The following CAVIN1 variants were observed in gnomAD, a reference collection of about 807,000 sequenced individuals.
CAVIN1 encodes caveolae-associated protein 1.
In CAVIN1, 16 loss-of-function variants were observed where a neutral mutation model predicts 24.0. That is an observed-to-expected ratio of 0.67 (90% CI 0.45 to 1.01). The LOEUF (loss-of-function observed/expected upper bound fraction) is 1.01. Among genes scored for constraint, CAVIN1 ranks in the 50% least tolerant of loss-of-function variants. The pLI, the probability that CAVIN1 is intolerant of heterozygous loss-of-function variation, is 0.00. For synonymous variants in CAVIN1, 256 were observed against 256.4 expected (o/e 1.00, Z 0.02); for missense variants, 510 against 551.7 (o/e 0.92, Z 0.76).
intron 1 of CAVIN1, chr17:42,412,228 G>T: frequency 2.0e-6 from 2 of 985,080 alleles, no homozygotes; most frequent in African/African-American, 1.7e-5. Flanking sequence ...CAGGTCAGAG[G>T]GTGCATTCGG....
chr17:42,404,906 C>T lies in CAVIN1; in HGVS notation c.954G>A (p.Val318=). Residue 318 remains valine, a synonymous_variant, in exon 2 of 2, where the codon GTG becomes GTA. Transcript: ENST00000357037. ...YARSKTAVYK[V]PPFTFHVKKI... is the part of the protein sequence containing the mutation. ...TCTTGACGTGGAAGGTGAAGGGTGGCACCTTGTAGACCGCGGTCTTGGAGC... is the reference window on the plus strand; with the variant it reads ...TCTTGACGTGGAAGGTGAAGGGTGGTACCTTGTAGACCGCGGTCTTGGAGC... The T allele has an allele frequency of 6.2e-7, 1 of 1,614,114 alleles. No homozygotes were observed. Among genetic ancestry groups the T allele is most frequent in the Non-Finnish European group, 8.5e-7 (1 of 1,179,972 alleles).
chr17:42,404,785 C>G lies in CAVIN1; in HGVS notation c.1075G>C (p.Gly359Arg). ...GGGCTGCTCCCGCGCCGCAGGTCGC[C>G]GGCCTCCCCGCGCTCCGCGCCGCCC... ...DEGGAERGEA[G>R]DLRRGSSPDV... Residue 359 changes from glycine (G) to arginine (R), a missense_variant, in exon 2 of 2, where the codon GGC (glycine) becomes CGC (arginine). Transcript: ENST00000357037. The G allele has an allele frequency of 6.3e-7, 1 of 1,590,622 alleles. No individual in the cohort carries two copies. Among genetic ancestry groups the G allele is most frequent in the Non-Finnish European group, 8.6e-7 (1 of 1,169,200 alleles).
chr17:42,410,623 T>A (rs906359239), intron 1 of CAVIN1, among the ~76,000 whole-genome samples: 1 of 151,984 alleles, frequency 6.6e-6, no homozygotes, highest in African/African-American at 2.4e-5. Context: ...GTTAAAAATA[T>A]CTGAAAGGGG....
chr17:42,416,706 A>G (rs2085514226), intron 1 of CAVIN1, among the ~76,000 whole-genome samples: 1 of 151,710 alleles, frequency 6.6e-6, no homozygotes, highest in Non-Finnish European at 1.5e-5. Context: ...CCCAGTGACC[A>G]GGAAAAACAA....
intron 1 of CAVIN1, chr17:42,411,603 T>C: frequency 1.0e-6 from 1 of 985,378 alleles, no homozygotes; most frequent in Non-Finnish European, 1.2e-6. Context: ...GTGTAAATGT[T>C]TTCCTCAGCT....
intron 1 of CAVIN1, among the ~76,000 whole-genome samples, chr17:42,410,464 G>A (rs911654971): frequency 3.3e-5 from 5 of 152,110 alleles, no homozygotes; most frequent in African/African-American, 1.2e-4. Flanking sequence ...GGGTGAAATT[G>A]CATCCAAAAG....
rs1293160778 is a variant in CAVIN1, at chr17:42,422,591, C to G, written c.471+36G>C. 2.0e-6 allele frequency: 3 copies of G among 1,508,402 alleles called. No homozygotes were observed. The African/African-American group carries it at 4.2e-5, about 21-fold the overall frequency. The allele number at this position is 1,508,402 out of a possible 1,614,324, so 93.4% of individuals were successfully genotyped here. On this transcript the variant is annotated intron_variant, in intron 1 of 1. Transcript: ENST00000357037. ...CCAGGCAGGGGACGCGGGCCGGGCG[C>G]GGGAGCTCTGGGCGCCTTCCGCCCT...
chr17:42,413,185 G>A (rs901235793), intron 1 of CAVIN1, among the ~76,000 whole-genome samples: 1 of 151,784 alleles, frequency 6.6e-6, no homozygotes, highest in Non-Finnish European at 1.5e-5. Context: ...TGCCCTCCTT[G>A]GGCTCCCAAA....
In CAVIN1 at chr17:42,404,582, C is replaced by T. The variant is rs374610090; in HGVS notation, c.*105G>A. 1.6e-5 allele frequency: 12 copies of T among 734,964 alleles called. No homozygotes were observed. Among genetic ancestry groups the T allele is most frequent in the African/African-American group, 1.3e-4 (7 of 52,652 alleles). The allele number at this position is 734,964 out of a possible 1,614,324, so 45.5% of individuals were successfully genotyped here. A position where few individuals can be genotyped will look rare whatever the true frequency, so the allele number is the denominator to read the frequency against. ...GTTCCTGGAGGTGTGGGGAGGGGGG[C>T]GTGTTTTCAATTTAGAAAAATCTCA... On this transcript the variant is annotated 3_prime_UTR_variant, in exon 2 of 2. Transcript: ENST00000357037.
chr17:42,422,795 G>C lies in CAVIN1; in HGVS notation c.303C>G (p.Ala101=), dbSNP rs963847416. 3.1e-6 allele frequency: 5 copies of C among 1,613,680 alleles called. No homozygotes were observed. In the African/African-American group the frequency reaches 6.7e-5, roughly 22 times the overall value. ...GCTTGCTCACCGTATTGCTCGTGGT[G>C]GCGTGCGCCTTGCCCAGCTTGCTCA... ...GELSKLGKAH[A]TTSNTVSKLL... is the part of the protein sequence containing the mutation. Residue 101 remains alanine (A), a synonymous_variant, in exon 1 of 2, where the codon GCC becomes GCG. Coordinates refer to ENST00000357037, the MANE Select transcript of CAVIN1 (RefSeq NM_012232.6).
chr17:42,415,479 G>T (rs1359579526), intron 1 of CAVIN1, among the ~76,000 whole-genome samples: 1 of 151,608 alleles, frequency 6.6e-6, no homozygotes, highest in African/African-American at 2.4e-5. Flanking sequence ...TTGGGAGGCT[G>T]AGGCAGACGG....
In CAVIN1 at chr17:42,408,500, G is replaced by T. The variant is rs5820457; in HGVS notation, c.472-3112C>A. On this transcript the variant is annotated intron_variant, in intron 1 of 1. Transcript: ENST00000357037. ...GAGGTTTTTGTTTTTTAGTTTTTTT[G>T]TTTTTTTTGAGATGGAGTTTTGCTC... 3.0e-5 allele frequency among the ~76,000 whole-genome samples: 4 copies of T among 132,850 alleles called. No individual in the cohort carries two copies. The East Asian group carries it at 6.8e-4, about 23-fold the overall frequency. The allele number at this position is 132,850 out of a possible 152,430, so 87.2% of individuals were successfully genotyped here. A position where few individuals can be genotyped will look rare whatever the true frequency, so the allele number is the denominator to read the frequency against.
intron 1 of CAVIN1, chr17:42,411,718 G>A: frequency 1.0e-6 from 1 of 985,452 alleles, no homozygotes; most frequent in African/African-American, 1.7e-5. Flanking sequence ...CTCAGGAGGA[G>A]GCAGCAGGGG....
intron 1 of CAVIN1, among the ~76,000 whole-genome samples, chr17:42,414,411 AT>A (rs1469455895): frequency 2.6e-4 from 38 of 146,292 alleles, no homozygotes; most frequent in Admixed American, 3.4e-4. Context: ...ACCAAGCTCT[AT>A]TTTTTTTTTT....
In CAVIN1 at chr17:42,410,039, C is replaced by G. The variant is rs111350246; in HGVS notation, c.472-4651G>C. ...GAGGCTCCCAGCCTCTTCCACTCCACCCCCCAACCCTGCTGTCTAAACTCG... is the reference window on the plus strand; with the variant it reads ...GAGGCTCCCAGCCTCTTCCACTCCAGCCCCCAACCCTGCTGTCTAAACTCG... On this transcript the variant is annotated intron_variant, in intron 1 of 1. Transcript: ENST00000357037. 4.7e-4 allele frequency among the ~76,000 whole-genome samples: 71 copies of G among 152,288 alleles called. 1 individual carries two copies. The highest frequency in any genetic ancestry group is 2.1e-3 in the Admixed American group (32 of 15,290).
chr17:42,405,796 T>G lies in CAVIN1; in HGVS notation c.472-408A>C, dbSNP rs150796024. 5.0e-3 allele frequency among the ~76,000 whole-genome samples: 742 copies of G among 149,848 alleles called. 11 individuals are homozygous for G. Among genetic ancestry groups the G allele is most frequent in the African/African-American group, 0.018 (721 of 40,708 alleles). ...TCCGCCACCCGGGTTCAAGCAATTC[T>G]CCTGCCTCAGCCTCCCGAATAGCTG... On this transcript the variant is annotated intron_variant, in intron 1 of 1. Transcript: ENST00000357037.
intron 1 of CAVIN1, chr17:42,411,511 G>C: frequency 1.0e-6 from 1 of 985,376 alleles, no homozygotes; most frequent in Non-Finnish European, 1.2e-6. Context: ...GGCAGCTTTT[G>C]GGCACCCCAC....
chr17:42,411,642 C>T (rs931799185), intron 1 of CAVIN1: 2 of 985,318 alleles, frequency 2.0e-6, no homozygotes, highest in African/African-American at 3.5e-5. Flanking sequence ...GGGCACAGAA[C>T]AGACCCCAGG....
intron 1 of CAVIN1, among the ~76,000 whole-genome samples, chr17:42,421,916 C>A (rs538617815): frequency 6.6e-6 from 1 of 152,322 alleles, no homozygotes; most frequent in East Asian, 1.9e-4. Context: ...CCCCGCCCAG[C>A]CCCGCCCGCT....
Sources: allele counts gnomAD v4.1 joint callset (sites outside exome capture counted in the v4.1 genomes callset), GRCh38; gene constraint gnomAD v4.1.1; transcripts MANE v1.5; gene names NCBI Gene and HGNC (gene_info 2026-07-23, HGNC 2026-07-21).